The following AGBL3 variants were observed in gnomAD, a reference collection of about 807,000 sequenced individuals.
AGBL3 encodes cytosolic carboxypeptidase 3.
AGBL3 carries 68 observed loss-of-function variants against 94.5 expected under a neutral mutation model. The observed-to-expected ratio is 0.72, with a 90% confidence interval of 0.59 to 0.88. The LOEUF is 0.88. Ranked by LOEUF, AGBL3 falls within the 40% of genes least tolerant of loss-of-function variation. AGBL3 has a pLI of 0.00. For synonymous variants in AGBL3, 354 were observed against 370.7 expected (o/e 0.95, Z 0.52); for missense variants, 934 against 1,103.8 (o/e 0.85, Z 2.18).
At position 135,034,835 on chromosome 7, in the gene AGBL3, GT is replaced by G. The variant is rs1379195305; in HGVS notation, c.1246del (p.Ser416ProfsTer2). ...PDGVIVGNYR[C>X]SLAGRDLNRN... ...GGTGTGATTGTGGGAAATTATCGCT[GT>G]TCCTTAGCTGGACGGGATTTAAACC... On this transcript the variant is annotated frameshift_variant, in exon 7 of 17. Coordinates refer to ENST00000436302, the MANE Select transcript of AGBL3 (RefSeq NM_178563.4). LOFTEE classifies it high-confidence loss of function. 6.4e-7 allele frequency: 1 copy of G among 1,551,848 alleles called. No individual in the cohort carries two copies. The highest frequency in any genetic ancestry group is 2.0e-5 in the Admixed American group (1 of 51,004).
chr7:135,135,308 G>T lies in AGBL3; in HGVS notation c.*47G>T, dbSNP rs1173370096. On this transcript the variant is annotated 3_prime_UTR_variant, in exon 17 of 17. Transcript: ENST00000436302. ...GAACTGTGAATGAAGGATAACATAT[G>T]CTTATGTAGTAAAAAGAAAAAAAGG... The T allele has an allele frequency of 7.2e-7, 1 of 1,387,374 alleles. No homozygotes were observed. Among genetic ancestry groups the T allele is most frequent in the Non-Finnish European group, 9.5e-7 (1 of 1,055,848 alleles). The allele number at this position is 1,387,374 out of a possible 1,614,324, so 85.9% of individuals were successfully genotyped here.
At chr7:135,021,726 G>T (rs1423366976) in intron 5 of AGBL3, among the ~76,000 whole-genome samples, 1 of 147,724 alleles carries the variant, frequency 6.8e-6, no homozygotes, top group East Asian at 2.0e-4. Flanking sequence ...ACAGGTATCT[G>T]TGTGCCATGG....
intron 13 of AGBL3, among the ~76,000 whole-genome samples, chr7:135,079,137 G>T (rs1448870604): frequency 6.6e-6 from 1 of 152,116 alleles, no homozygotes; most frequent in African/African-American, 2.4e-5. Flanking sequence ...GAATGTAACA[G>T]TTTATTATGG....
chr7:135,076,895 A>AACT (rs1422729606), intron 13 of AGBL3, among the ~76,000 whole-genome samples: 1 of 151,978 alleles, frequency 6.6e-6, no homozygotes, highest in Non-Finnish European at 1.5e-5. Flanking sequence ...CAACAACAAC[A>AACT]ACAAACAACA....
At chr7:135,026,606 T>C (rs1479888876) in intron 5 of AGBL3, among the ~76,000 whole-genome samples, 5 of 151,676 alleles carry the variant, frequency 3.3e-5, no homozygotes, top group African/African-American at 1.2e-4. Context: ...TATTTCTTTT[T>C]ATCTCTGGCA....
chr7:135,066,362 C>T (rs1819300944), intron 12 of AGBL3, among the ~76,000 whole-genome samples: 3 of 152,098 alleles, frequency 2.0e-5, no homozygotes, highest in Admixed American at 2.0e-4. Context: ...AAATGGCCAA[C>T]AATTATATGA....
At chr7:135,015,404 G>C (rs1813655481) in intron 4 of AGBL3, among the ~76,000 whole-genome samples, 1 of 152,112 alleles carries the variant, frequency 6.6e-6, no homozygotes, top group Non-Finnish European at 1.5e-5. Flanking sequence ...CCATTCATCT[G>C]TCTGTCCATT....
intron 16 of AGBL3, among the ~76,000 whole-genome samples, chr7:135,126,261 G>A (rs1205164725): frequency 6.6e-6 from 1 of 152,126 alleles, no homozygotes; most frequent in Non-Finnish European, 1.5e-5. Flanking sequence ...GATAAGCAGA[G>A]AGCCAAATCA....
chr7:135,098,053 CATG>C (rs2116993419), intron 15 of AGBL3, among the ~76,000 whole-genome samples: 1 of 152,216 alleles, frequency 6.6e-6, no homozygotes, highest in Admixed American at 6.5e-5. Context: ...GGAGACCCTA[CATG>C]ATGAATTTAT....
intron 11 of AGBL3, among the ~76,000 whole-genome samples, chr7:135,047,484 G>A (rs1277811668): frequency 6.6e-6 from 1 of 151,876 alleles, no homozygotes; most frequent in Non-Finnish European, 1.5e-5. Flanking sequence ...GCACTGTTTT[G>A]TATTCCCACC....
intron 16 of AGBL3, among the ~76,000 whole-genome samples, chr7:135,124,232 AAGT>A (rs1186577130): frequency 6.6e-6 from 1 of 151,978 alleles, no homozygotes; most frequent in East Asian, 1.9e-4. Context: ...AAAAAAAAAA[AAGT>A]AGGGGTTGCA....
At position 135,062,146 on chromosome 7, in the gene AGBL3, G is replaced by A. The variant is rs183976972; in HGVS notation, c.1908+2911G>A. ...AATTTATTCCTACATATTTTTTGTAGATATTATAAATGGAATTATGTTCTT... is the reference window on the plus strand; with the variant it reads ...AATTTATTCCTACATATTTTTTGTAAATATTATAAATGGAATTATGTTCTT... On this transcript the variant is annotated intron_variant, in intron 12 of 16. Coordinates refer to ENST00000436302, the MANE Select transcript of AGBL3 (RefSeq NM_178563.4). Among the ~76,000 whole-genome samples, 182 of 151,928 alleles carry A rather than the reference G, an allele frequency of 1.2e-3. 1 individual carries two copies. Among genetic ancestry groups the A allele is most frequent in the Non-Finnish European group, 1.4e-3 (92 of 67,868 alleles).
intron 16 of AGBL3, chr7:135,129,343 A>T (rs1327544272): frequency 2.7e-6 from 3 of 1,097,406 alleles, no homozygotes; most frequent in Non-Finnish European, 4.2e-6. Flanking sequence ...AAATTAATAG[A>T]CTTACTAAAT....
At chr7:134,989,158 T>G in intron 2 of AGBL3, 92 bp from the exon 3 acceptor site, 1 of 820,476 alleles carries the variant, frequency 1.2e-6, no homozygotes, top group South Asian at 1.6e-5. Flanking sequence ...AGACATATAC[T>G]CAATCCCAAG....
At chr7:135,066,949 C>A (rs991720742) in intron 12 of AGBL3, among the ~76,000 whole-genome samples, 6 of 152,144 alleles carry the variant, frequency 3.9e-5, no homozygotes, top group African/African-American at 1.2e-4. Context: ...ATTGCCTCAC[C>A]CAAGAAGTAC....
intron 15 of AGBL3, among the ~76,000 whole-genome samples, chr7:135,105,936 T>C (rs946106808): frequency 3.9e-5 from 6 of 152,184 alleles, no homozygotes; most frequent in Non-Finnish European, 8.8e-5. Context: ...TAATTTTCAT[T>C]GTAGAGATCT....
At chr7:135,027,682 A>T (rs1815298632) in intron 5 of AGBL3, among the ~76,000 whole-genome samples, 1 of 151,538 alleles carries the variant, frequency 6.6e-6, no homozygotes, top group Non-Finnish European at 1.5e-5. Flanking sequence ...TTCTTTAAAG[A>T]TATTTTTCCA....
Position 135,031,458 on chromosome 7 carries a change from C to T in AGBL3, c.419-1386C>T, listed in dbSNP as rs181224427. Among the ~76,000 whole-genome samples the T allele has an allele frequency of 1.4e-3, 207 of 152,150 alleles. 2 individuals carry two copies. Among genetic ancestry groups the T allele is most frequent in the African/African-American group, 4.8e-3 (198 of 41,496 alleles). On this transcript the variant is annotated intron_variant, in intron 5 of 16. Coordinates refer to ENST00000436302, the MANE Select transcript of AGBL3 (RefSeq NM_178563.4). ...ATTTTTAGTAGAGATGGGTTTTTAC[C>T]ATGTTGGCCAGGTTGGTCTCAAACT... is the stretch of plus-strand genomic sequence containing the variant.
intron 4 of AGBL3, among the ~76,000 whole-genome samples, chr7:134,994,874 C>A (rs548305621): frequency 6.6e-6 from 1 of 152,136 alleles, no homozygotes; most frequent in Non-Finnish European, 1.5e-5. Flanking sequence ...CCTTACACAT[C>A]TCTTCAAAGC....
Sources: allele counts gnomAD v4.1 joint callset (sites outside exome capture counted in the v4.1 genomes callset), GRCh38; gene constraint gnomAD v4.1.1; transcripts MANE v1.5; gene names NCBI Gene and HGNC (gene_info 2026-07-23, HGNC 2026-07-21).